The following DPP4 variants were observed in gnomAD, a reference collection of about 807,000 sequenced individuals.
DPP4 encodes dipeptidyl peptidase 4, also known as ADCP-2.
A neutral mutation model predicts 122.4 loss-of-function variants in DPP4; 93 were observed. The observed-to-expected ratio is 0.76, with a 90% CI of 0.64 to 0.90. The LOEUF (loss-of-function observed/expected upper bound fraction) is 0.90, where lower values mean the gene tolerates loss of function less well. DPP4 is among the 40% of genes least tolerant of loss of function. The pLI, the probability that DPP4 is intolerant of heterozygous loss-of-function variation, is 0.00. For synonymous variants in DPP4, 321 were observed against 302.9 expected (o/e 1.06, Z -0.62); for missense variants, 914 against 907.3 (o/e 1.01, Z -0.09).
intron 5 of DPP4, among the ~76,000 whole-genome samples, chr2:162,041,251 A>G (rs1683975820): frequency 6.6e-6 from 1 of 152,180 alleles, no homozygotes; most frequent in Non-Finnish European, 1.5e-5. Flanking sequence ...GTATTTTCAA[A>G]TAAGTTACTT....
In DPP4 at chr2:162,035,200, C is replaced by T. The variant is rs747185871; in HGVS notation, c.738G>A (p.Leu246=). The T allele has an allele frequency of 6.8e-6, 11 of 1,613,818 alleles. No individual in the cohort carries two copies. Among genetic ancestry groups the T allele is most frequent in the African/African-American group, 1.3e-5 (1 of 74,892 alleles). Residue 246 remains leucine (L), a synonymous_variant, in exon 9 of 26, where the codon CTG becomes CTA. Coordinates refer to ENST00000360534, the MANE Select transcript of DPP4 (RefSeq NM_001935.4). ...IEYSFYSDES[L]QYPKTVRVPY... is the part of the protein sequence containing the mutation. ...GAACCCGTACAGTCTTTGGGTACTG[C>T]AGTGACTCATCAGAGTAGAAGGAGT... is the stretch of plus-strand genomic sequence containing the variant.
chr2:162,055,100 G>A (rs572932542), intron 2 of DPP4, among the ~76,000 whole-genome samples: 14 of 152,240 alleles, frequency 9.2e-5, no homozygotes, highest in African/African-American at 2.6e-4. Flanking sequence ...GTTTCACTAC[G>A]TTCATAATGA....
chr2:161,999,488 T>C (rs993630198), intron 23 of DPP4, among the ~76,000 whole-genome samples: 3 of 152,154 alleles, frequency 2.0e-5, no homozygotes, highest in Non-Finnish European at 4.4e-5. Context: ...GTTGGCACTC[T>C]CCTGAGGCTA....
chr2:162,050,617 T>C (rs1295171604), intron 2 of DPP4, among the ~76,000 whole-genome samples: 3 of 152,126 alleles, frequency 2.0e-5, no homozygotes, highest in Non-Finnish European at 4.4e-5. Context: ...TTCCACATAT[T>C]AGCTGCCAGT....
rs200264559 is a variant in DPP4, at chr2:162,033,630, T to C, written c.798A>G (p.Val266=). 3.7e-5 allele frequency: 60 copies of C among 1,610,886 alleles called. 1 individual carries two copies. In the Admixed American group the frequency reaches 8.7e-4, roughly 23 times the overall value. The change falls in exon 10 of 26, where the codon GTA becomes GTG. Residue 266 remains valine (V), a synonymous_variant. Transcript: ENST00000360534. ...AGTCTGTATTTACAACAAAGAACTT[T>C]ACAGTTGGATTCACAGCTCCTGCCT... The part of the protein sequence containing the change: ...YPKAGAVNPT[V]KFFVVNTDSL...
At chr2:162,018,267 G>A (rs2106098126) in intron 16 of DPP4, among the ~76,000 whole-genome samples, 1 of 152,312 alleles carries the variant, frequency 6.6e-6, no homozygotes, top group East Asian at 1.9e-4. Context: ...ATCCTGTTGT[G>A]CCTGTAACTC....
In DPP4 at chr2:162,008,623, C is replaced by T. The variant is rs41268649; in HGVS notation, c.1926G>A (p.Ser642=). ...GGYVTSMVLG[S]GSGVFKCGIA... ...TTCCACACTTGAACACGCCACTTCC[C>T]GATCCCAGGACCATTGAGGTTACGT... Residue 642 remains serine (S), a synonymous_variant, in exon 22 of 26, where the codon TCG becomes TCA. Coordinates refer to ENST00000360534, the MANE Select transcript of DPP4 (RefSeq NM_001935.4). 0.043 allele frequency: 69,854 copies of T among 1,613,440 alleles called. 1,850 individuals carry two copies. The highest frequency in any genetic ancestry group is 0.053 in the Non-Finnish European group (62,097 of 1,179,592).
intron 24 of DPP4, 110 bp from the exon 25 acceptor site, chr2:161,995,144 C>T: frequency 7.3e-7 from 1 of 1,362,412 alleles, no homozygotes; most frequent in Non-Finnish European, 1.0e-6. Context: ...TTCTAGGACT[C>T]AGCATCCCAT....
intron 5 of DPP4, 55 bp downstream of exon 5, chr2:162,045,477 A>T: frequency 7.5e-7 from 1 of 1,340,470 alleles, no homozygotes; most frequent in Non-Finnish European, 1.1e-6. Context: ...ATCGGTTATA[A>T]CATAGCATAC....
At chr2:162,073,951 G>A (rs748309666) in intron 1 of DPP4, 25 bp downstream of exon 1, 14 of 1,611,806 alleles carry the variant, frequency 8.7e-6, no homozygotes, top group Admixed American at 1.7e-5. Flanking sequence ...GCTCGCCCCG[G>A]GGACGTACGT....
intron 2 of DPP4, among the ~76,000 whole-genome samples, chr2:162,059,764 C>T (rs1187147752): frequency 2.0e-5 from 3 of 152,140 alleles, no homozygotes; most frequent in Non-Finnish European, 2.9e-5. Context: ...CAGGAATTGC[C>T]CCATTCCCAG....
intron 25 of DPP4, 120 bp downstream of exon 25, chr2:161,994,841 A>G (rs1385031040): frequency 1.1e-6 from 1 of 922,726 alleles, no homozygotes; most frequent in Non-Finnish European, 1.7e-6. Context: ...CACGTTGAAA[A>G]AAAAATTTTT....
rs1419937061 is a variant in DPP4 at position 162,074,030 on chromosome 2, AAGTC to A, written c.-53_-50del. The A allele has an allele frequency of 6.2e-7, 1 of 1,601,784 alleles. No homozygotes were observed. Among genetic ancestry groups the A allele is most frequent in the Non-Finnish European group, 8.5e-7 (1 of 1,174,806 alleles). On this transcript the variant is annotated 5_prime_UTR_variant, in exon 1 of 26. Transcript: ENST00000360534. ...GCGTTCAGAGAAGGAGCGCAGGCAG[AAGTC>A]ACCGCGGGCGGCGGAGACGCGCGTC...
intron 23 of DPP4, among the ~76,000 whole-genome samples, chr2:162,004,076 A>T (rs906402549): frequency 6.6e-6 from 1 of 152,158 alleles, no homozygotes; most frequent in Non-Finnish European, 1.5e-5. Flanking sequence ...CAAAAGGGAA[A>T]GCCACAGAAA....
chr2:162,005,619 T>C, intron 23 of DPP4, 126 bp downstream of exon 23: 1 of 807,578 alleles, frequency 1.2e-6, no homozygotes, highest in Non-Finnish European at 1.9e-6. Context: ...ACCACCTGTG[T>C]TATTTCTTTT....
intron 20 of DPP4, among the ~76,000 whole-genome samples, chr2:162,010,467 T>C (rs1682652799): frequency 1.3e-5 from 2 of 152,200 alleles, no homozygotes; most frequent in South Asian, 4.1e-4. Context: ...AATTCATCCA[T>C]GTTGTTATGC....
intron 8 of DPP4, 145 bp from the exon 9 acceptor site, chr2:162,035,469 G>A (rs1442604055): frequency 1.5e-6 from 1 of 657,200 alleles, no homozygotes; most frequent in African/African-American, 1.8e-5. Flanking sequence ...TCCAAAATCA[G>A]AGTAATACAA....
At position 161,993,116 on chromosome 2, in the gene DPP4, T is replaced by TC. The variant is rs1410497225; in HGVS notation, c.*166dup. 1 of 568,490 alleles carries TC rather than the reference T, an allele frequency of 1.8e-6. No individual in the cohort carries two copies. Among genetic ancestry groups the TC allele is most frequent in the African/African-American group, 1.9e-5 (1 of 53,318 alleles). The allele number at this position is 568,490 out of a possible 1,614,324, so 35.2% of individuals were successfully genotyped here. A position where few individuals can be genotyped will look rare whatever the true frequency, so the allele number is the denominator to read the frequency against. Reference sequence around the variant, plus strand: ...TAATAATCTGTTGTGAAGACAGAAGTCCCTACTTAAGATGATAGGTATGAA... The same window carrying TC: ...TAATAATCTGTTGTGAAGACAGAAGTCCCCTACTTAAGATGATAGGTATGAA... On this transcript the variant is annotated 3_prime_UTR_variant, in exon 26 of 26. Transcript: ENST00000360534.
At chr2:161,995,195 TATTGA>T in intron 24 of DPP4, 100 bp downstream of exon 24, 1 of 1,329,698 alleles carries the variant, frequency 7.5e-7, no homozygotes, top group Non-Finnish European at 1.1e-6. Flanking sequence ...AACACTGTTT[TATTGA>T]AGTAAATGTA....
Sources: gnomAD v4.1 joint callset for allele counts (sites outside exome capture counted in the v4.1 genomes callset) on GRCh38, gnomAD v4.1.1 for gene constraint, MANE v1.5 for transcripts, NCBI Gene and HGNC (gene_info 2026-07-23, HGNC 2026-07-21) for gene names.